Variants in CACNA2D4 observed in about 807,000 individuals in gnomAD.
CACNA2D4 encodes voltage-dependent calcium channel subunit alpha-2/delta-4.
A neutral mutation model predicts 163.8 loss-of-function variants in CACNA2D4; 157 were observed. The observed-to-expected ratio is 0.96, with a 90% confidence interval of 0.84 to 1.09. The LOEUF (loss-of-function observed/expected upper bound fraction) is 1.09. Ranked by LOEUF, CACNA2D4 falls within the 50% of genes least tolerant of loss-of-function variation. The probability of loss-of-function intolerance (pLI) is 0.00; values close to 1 mark genes in which losing one functional copy is unlikely to be tolerated. For synonymous variants in CACNA2D4, 598 were observed against 586.9 expected (o/e 1.02, Z -0.27); for missense variants, 1,410 against 1,479.9 (o/e 0.95, Z 0.78).
rs1012934237 is a variant in CACNA2D4, at chr12:1,829,960, T to C, written c.2551+10779A>G. Among the ~76,000 whole-genome samples, 2 of 152,176 alleles carry C rather than the reference T, an allele frequency of 1.3e-5. No individual in the cohort carries two copies. Among genetic ancestry groups the C allele is most frequent in the Non-Finnish European group, 2.9e-5 (2 of 68,022 alleles). On this transcript the variant is annotated intron_variant, in intron 26 of 37. Transcript: ENST00000382722. The surrounding 1 kb of genome is among the most constrained non-coding windows in gnomAD (Gnocchi z 4.2). ...ACTATTGGAAAGGGCTGCTGCATAA[T>C]GGAAGGCACTGCTCTGATGTGATTG...
At chr12:1,835,971 G>A (rs1398375144) in intron 26 of CACNA2D4, 1 of 152,372 alleles carries the variant, frequency 6.6e-6, no homozygotes, top group Non-Finnish European at 1.5e-5. Flanking sequence ...GCAGGTGGCA[G>A]GCAGAGAACA....
At chr12:1,825,150 G>A (rs1256332563) in intron 26 of CACNA2D4, among the ~76,000 whole-genome samples, 1 of 152,210 alleles carries the variant, frequency 6.6e-6, no homozygotes, top group Non-Finnish European at 1.5e-5. Context: ...GCTGAAGATG[G>A]GACCTCCAGA....
Position 1,820,824 on chromosome 12 carries a change from G to T in CACNA2D4, c.2552-9101C>A, listed in dbSNP as rs945245866. 2.0e-5 allele frequency: 3 copies of T among 152,356 alleles called. No individual in the cohort carries two copies. Among genetic ancestry groups the T allele is most frequent in the Non-Finnish European group, 4.4e-5 (3 of 68,136 alleles). The allele number at this position is 152,356 out of a possible 1,614,324, so 9.4% of individuals were successfully genotyped here. A position where few individuals can be genotyped will look rare whatever the true frequency, so the allele number is the denominator to read the frequency against. On this transcript the variant is annotated intron_variant, in intron 26 of 37. Coordinates refer to ENST00000382722, the MANE Select transcript of CACNA2D4 (RefSeq NM_172364.5). This position sits in a 1 kb window ranked among gnomAD's most constrained non-coding sequence, Gnocchi z 6.0. ...GTCAGAGTAAAGACGGGTGAGTACCGAGTGGCTGGTAGGAAGGAATGGAGG... is the reference window on the plus strand; with the variant it reads ...GTCAGAGTAAAGACGGGTGAGTACCTAGTGGCTGGTAGGAAGGAATGGAGG...
chr12:1,846,640 G>T lies in CACNA2D4; in HGVS notation c.2296C>A (p.Leu766Ile), dbSNP rs770104096. 8.7e-6 allele frequency: 14 copies of T among 1,604,670 alleles called. No homozygotes were observed. Among genetic ancestry groups the T allele is most frequent in the East Asian group, 2.2e-5 (1 of 44,624 alleles). The change falls in exon 24 of 38, where the codon CTC becomes ATC. Residue 766 changes from leucine (L) to isoleucine (I), a missense_variant. Transcript: ENST00000382722. ...CCCACGAACAAGCTGCTTCTCAGGAGGCCAGCCCGGGTGCCCAGGAAGGCC... is the reference window on the plus strand; with the variant it reads ...CCCACGAACAAGCTGCTTCTCAGGATGCCAGCCCGGGTGCCCAGGAAGGCC... ...DMAFLGTRAG[L>I]LRSSLFVGSE...
At chr12:1,911,599 A>C (rs1454739723) in intron 3 of CACNA2D4, among the ~76,000 whole-genome samples, 3 of 152,112 alleles carry the variant, frequency 2.0e-5, no homozygotes, top group Non-Finnish European at 4.4e-5. Flanking sequence ...GCGCACCCTC[A>C]TGGAAGGTCT....
intron 19 of CACNA2D4, among the ~76,000 whole-genome samples, chr12:1,859,659 C>T (rs1865479879): frequency 1.3e-5 from 2 of 152,180 alleles, no homozygotes; most frequent in African/African-American, 2.4e-5. Context: ...TTTTACAGAT[C>T]GAAATCTAAG....
rs745480640 is a variant in CACNA2D4, at chr12:1,810,340, C to A, written c.2659G>T (p.Asp887Tyr). 1.9e-6 allele frequency: 3 copies of A among 1,613,660 alleles called. No homozygotes were observed. In the East Asian group the frequency reaches 6.7e-5, roughly 36 times the overall value. ...GPCTQSCEDS[D>Y]LDCFVIDNNG... ...TTGTCGATGACGAAGCAGTCCAGAT[C>A]CTGGGAGGAAACCCAGAAGGGAGGT... is the stretch of plus-strand genomic sequence containing the variant. Residue 887 changes from aspartate to tyrosine, a missense_variant and splice_region_variant, in exon 29 of 38, where the codon GAT becomes TAT. Coordinates refer to ENST00000382722, the MANE Select transcript of CACNA2D4 (RefSeq NM_172364.5).
At chr12:1,813,400 T>C (rs1488357128) in intron 26 of CACNA2D4, among the ~76,000 whole-genome samples, 1 of 152,088 alleles carries the variant, frequency 6.6e-6, no homozygotes, top group Non-Finnish European at 1.5e-5. Context: ...ACCAATTGAA[T>C]CTCCTAAGAT....
At chr12:1,848,539 A>G (rs1479102010) in intron 23 of CACNA2D4, among the ~76,000 whole-genome samples, 2 of 152,312 alleles carry the variant, frequency 1.3e-5, no homozygotes, top group Non-Finnish European at 2.9e-5. Context: ...TACCCGAAAT[A>G]TCTGTATAAG....
chr12:1,871,586 G>A (rs931174430), intron 18 of CACNA2D4, among the ~76,000 whole-genome samples: 1 of 150,162 alleles, frequency 6.7e-6, no homozygotes, highest in Admixed American at 6.6e-5. Context: ...TGTGTTGCTG[G>A]TGTATGTGTG....
Position 1,843,280 on chromosome 12 carries a change from C to T in CACNA2D4, c.2470+1122G>A, listed in dbSNP as rs530711237. On this transcript the variant is annotated intron_variant, in intron 25 of 37. Transcript: ENST00000382722. This position sits in a 1 kb window ranked among gnomAD's most constrained non-coding sequence, Gnocchi z 4.6. ...CCTGTCCTGGTCCCAGGAGGATCCC[C>T]GGGATCCTGGGCCTCCCCAGCCATC... is the stretch of plus-strand genomic sequence containing the variant. Among the ~76,000 whole-genome samples the T allele has an allele frequency of 2.2e-4, 33 of 152,164 alleles. No homozygotes were observed. The highest frequency in any genetic ancestry group is 9.7e-4 in the East Asian group (5 of 5,164).
chr12:1,908,256 G>T (rs115678483), intron 4 of CACNA2D4, among the ~76,000 whole-genome samples: 1,987 of 152,372 alleles, frequency 0.013, 38 homozygotes, highest in African/African-American at 0.046. Context: ...GCCGACGTTT[G>T]ATGACAGTTG....
chr12:1,880,290 T>C (rs1017035242), intron 13 of CACNA2D4, among the ~76,000 whole-genome samples: 3 of 152,230 alleles, frequency 2.0e-5, no homozygotes, highest in African/African-American at 7.2e-5. Flanking sequence ...GATATGGACT[T>C]AAGGTTGCTA....
At chr12:1,825,105 C>G (rs1429983089) in intron 26 of CACNA2D4, among the ~76,000 whole-genome samples, 1 of 152,242 alleles carries the variant, frequency 6.6e-6, no homozygotes, top group African/African-American at 2.4e-5. Flanking sequence ...ATTGTGGGGA[C>G]TTGCCGGACT....
At chr12:1,907,329 G>T in intron 6 of CACNA2D4, 111 bp downstream of exon 6, 1 of 996,106 alleles carries the variant, frequency 1.0e-6, no homozygotes, top group Non-Finnish European at 1.5e-6. Flanking sequence ...TGGGATAGGA[G>T]GACCAGCCCC....
At chr12:1,824,697 C>G (rs1422200388) in intron 26 of CACNA2D4, among the ~76,000 whole-genome samples, 1 of 152,238 alleles carries the variant, frequency 6.6e-6, no homozygotes, top group African/African-American at 2.4e-5. Flanking sequence ...GCTGCGGCAG[C>G]TGCTCTCCAA....
At chr12:1,865,070 C>T (rs78739662) in intron 18 of CACNA2D4, among the ~76,000 whole-genome samples, 5,863 of 152,314 alleles carry the variant, frequency 0.038, 175 homozygotes, top group Middle Eastern at 0.092. Flanking sequence ...TGAGGTTCAG[C>T]TGCAGTCCCG....
At chr12:1,857,279 C>G (rs752658788) in intron 20 of CACNA2D4, among the ~76,000 whole-genome samples, 1 of 152,186 alleles carries the variant, frequency 6.6e-6, no homozygotes, top group African/African-American at 2.4e-5. Context: ...AGCTCCCAGA[C>G]AGATGACAGC....
rs764495319 is a variant in CACNA2D4, at chr12:1,884,318, G to A, written c.1276C>T (p.Arg426Ter). 2.2e-5 allele frequency: 35 copies of A among 1,612,018 alleles called. No homozygotes were observed. The East Asian group carries it at 2.7e-4, about 12-fold the overall frequency. Reference sequence around the variant, plus strand: ...CTCCCAATGAGGTAAGTGAAAACTCGGACCTAACCCACAAGACACAGAGGC... The same window carrying A: ...CTCCCAATGAGGTAAGTGAAAACTCAGACCTAACCCACAAGACACAGAGGC... ...EKYNWPDCKV[R>*]VFTYLIGREV... The change falls in exon 12 of 38, where the codon CGA (arginine) becomes TGA (stop). Residue 426 changes from arginine to a stop codon, truncating the protein, a stop_gained. Coordinates refer to ENST00000382722, the MANE Select transcript of CACNA2D4 (RefSeq NM_172364.5). LOFTEE classifies it high-confidence loss of function.
Sources: allele counts gnomAD v4.1 joint callset (sites outside exome capture counted in the v4.1 genomes callset), GRCh38; gene constraint gnomAD v4.1.1; non-coding constraint Gnocchi (gnomAD v3.1); transcripts MANE v1.5; gene names NCBI Gene and HGNC (gene_info 2026-07-23, HGNC 2026-07-21).